Variants in NUDT3 observed in about 807,000 individuals in gnomAD.
NUDT3 encodes the protein nudix hydrolase 3, also known as diphosphoinositol polyphosphate phosphohydrolase 1.
NUDT3 carries 9 observed loss-of-function variants against 23.6 expected under a neutral mutation model. That is an observed-to-expected ratio of 0.38 (90% CI 0.23 to 0.66). The LOEUF (loss-of-function observed/expected upper bound fraction) is 0.66. NUDT3 is among the 30% of genes least tolerant of loss of function. NUDT3 has a pLI of 0.52. For missense variants in NUDT3, 172 were observed against 218.5 expected (o/e 0.79, Z 1.34); for synonymous variants, 86 against 82.6 (o/e 1.04, Z -0.22).
chr6:34,348,771 G>A (rs537976350), intron 1 of NUDT3, among the ~76,000 whole-genome samples: 91 of 148,630 alleles, frequency 6.1e-4, no homozygotes, highest in African/African-American at 2.0e-3. Context: ...GCAAGACTCC[G>A]TCTCAAAAAA....
At chr6:34,312,749 C>T (rs975386528) in intron 2 of NUDT3, among the ~76,000 whole-genome samples, 22 of 152,158 alleles carry the variant, frequency 1.4e-4, no homozygotes, top group African/African-American at 5.3e-4. Context: ...TGCCAAAACT[C>T]GGAAGCAACG....
At chr6:34,339,967 G>A (rs117309580) in intron 2 of NUDT3, among the ~76,000 whole-genome samples, 5 of 152,252 alleles carry the variant, frequency 3.3e-5, no homozygotes, top group East Asian at 1.9e-4. Context: ...ACATGGAACC[G>A]ACATTCCCTT....
At chr6:34,377,949 A>C (rs1002913747) in intron 1 of NUDT3, among the ~76,000 whole-genome samples, 6 of 152,114 alleles carry the variant, frequency 3.9e-5, no homozygotes, top group Non-Finnish European at 8.8e-5. Context: ...ATTTGACTGA[A>C]TTACTTTTTT....
intron 1 of NUDT3, among the ~76,000 whole-genome samples, chr6:34,374,018 G>A (rs981187597): frequency 1.3e-5 from 2 of 151,866 alleles, no homozygotes; most frequent in African/African-American, 2.4e-5. Context: ...TTAGCCAGGT[G>A]TGGTGGCATG....
chr6:34,288,569 CAG>C lies in NUDT3; in HGVS notation c.*182_*183del, dbSNP rs1763367658. ...ACCCAACCCCCACCCTCAATAAAAA[CAG>C]AAGAAAAAGCCCCATCACTTAACAC... On this transcript the variant is annotated 3_prime_UTR_variant, in exon 5 of 5. Coordinates refer to ENST00000607016, the MANE Select transcript of NUDT3 (RefSeq NM_006703.4). 2 of 776,202 alleles carry C rather than the reference CAG, an allele frequency of 2.6e-6. No individual in the cohort carries two copies. The highest frequency in any genetic ancestry group is 3.6e-5 in the African/African-American group (2 of 55,196). The allele number at this position is 776,202 out of a possible 1,614,324, so 48.1% of individuals were successfully genotyped here. A position where few individuals can be genotyped will look rare whatever the true frequency, so the allele number is the denominator to read the frequency against.
At chr6:34,333,687 T>A (rs1458500538) in intron 2 of NUDT3, among the ~76,000 whole-genome samples, 21 of 152,232 alleles carry the variant, frequency 1.4e-4, no homozygotes, top group Admixed American at 1.4e-3. Flanking sequence ...GTGCTGCAGA[T>A]GGTACTTAAC....
intron 1 of NUDT3, among the ~76,000 whole-genome samples, chr6:34,363,935 G>A (rs1764687521): frequency 6.6e-6 from 1 of 151,982 alleles, no homozygotes; most frequent in Non-Finnish European, 1.5e-5. Flanking sequence ...ACCACGCCCA[G>A]CTAATATTTG....
intron 2 of NUDT3, among the ~76,000 whole-genome samples, chr6:34,299,484 G>T (rs921406796): frequency 3.3e-5 from 5 of 151,856 alleles, no homozygotes; most frequent in African/African-American, 1.2e-4. Context: ...AGGCTAGGGC[G>T]CATGGTCATA....
chr6:34,366,386 G>GAA (rs1764730067), intron 1 of NUDT3, among the ~76,000 whole-genome samples: 1 of 147,776 alleles, frequency 6.8e-6, no homozygotes, highest in African/African-American at 2.5e-5. Flanking sequence ...AAAAAGAAAA[G>GAA]AAAAGAGAGA....
chr6:34,361,794 A>C (rs986439364), intron 1 of NUDT3, among the ~76,000 whole-genome samples: 3 of 152,234 alleles, frequency 2.0e-5, no homozygotes, highest in African/African-American at 7.2e-5. Flanking sequence ...TTCCAACTAG[A>C]TAACATTCTG....
rs534326359 is a variant in NUDT3, at chr6:34,281,104, T to G, written c.*7649A>C. ...TAGTTCATCTCTTTTATAAGTAGAA[T>G]GGTCCCAGGGATGTTAACCTTTCTG... On this transcript the variant is annotated 3_prime_UTR_variant, in exon 5 of 5. Coordinates refer to ENST00000607016, the MANE Select transcript of NUDT3 (RefSeq NM_006703.4). The G allele has an allele frequency of 7.9e-5, 12 of 152,302 alleles. No individual in the cohort carries two copies. The South Asian group carries it at 2.5e-3, about 32-fold the overall frequency. 9.4% of individuals were successfully genotyped at this position (152,302 alleles called of 1,614,324 possible).
At chr6:34,314,483 T>C (rs535407795) in intron 2 of NUDT3, among the ~76,000 whole-genome samples, 100 of 149,176 alleles carry the variant, frequency 6.7e-4, no homozygotes, top group African/African-American at 2.3e-3. Context: ...CACTTGAACC[T>C]GGAAGGTGGG....
rs1763286948 is a variant in NUDT3, at chr6:34,282,123, A to G, written c.*6630T>C. 6.6e-6 allele frequency: 1 copy of G among 152,174 alleles called. No individual in the cohort carries two copies. The highest frequency in any genetic ancestry group is 2.1e-4 in the South Asian group (1 of 4,832). The allele number at this position is 152,174 out of a possible 1,614,324, so 9.4% of individuals were successfully genotyped here. A position where few individuals can be genotyped will look rare whatever the true frequency, so the allele number is the denominator to read the frequency against. On this transcript the variant is annotated 3_prime_UTR_variant, in exon 5 of 5. Transcript: ENST00000607016. ...GTTATGCTGCAGGAACTGAGTAACC[A>G]AAGCTAGATATCCCTTGGACCACTG...
chr6:34,308,605 T>C (rs944740910), intron 2 of NUDT3, among the ~76,000 whole-genome samples: 3 of 152,028 alleles, frequency 2.0e-5, no homozygotes, highest in Non-Finnish European at 1.5e-5. Context: ...GAGTGATACA[T>C]ACCGTGCTAA....
At chr6:34,327,670 A>AC (rs1764061631) in intron 2 of NUDT3, among the ~76,000 whole-genome samples, 1 of 152,214 alleles carries the variant, frequency 6.6e-6, no homozygotes, top group Non-Finnish European at 1.5e-5. Context: ...CCACTGAAGC[A>AC]CAGCACTACA....
At chr6:34,376,599 CT>C in intron 1 of NUDT3, among the ~76,000 whole-genome samples, 1 of 152,264 alleles carries the variant, frequency 6.6e-6, no homozygotes. Flanking sequence ...AACATATCAT[CT>C]GTTACCAAAC....
intron 1 of NUDT3, among the ~76,000 whole-genome samples, chr6:34,364,688 C>T (rs933652920): frequency 6.6e-6 from 1 of 152,212 alleles, no homozygotes; most frequent in Non-Finnish European, 1.5e-5. Context: ...CATTATGTAA[C>T]ACACCAATAG....
chr6:34,321,699 A>G (rs1300924314), intron 2 of NUDT3, among the ~76,000 whole-genome samples: 1 of 152,144 alleles, frequency 6.6e-6, no homozygotes, highest in Non-Finnish European at 1.5e-5. Context: ...GTCACTGAGC[A>G]GTACTACACT....
rs1010026759 is a variant in NUDT3 at position 34,356,462 on chromosome 6, G to C, written c.100-14490C>G. Among the ~76,000 whole-genome samples the C allele has an allele frequency of 2.0e-5, 3 of 152,058 alleles. No individual in the cohort carries two copies. In the East Asian group the frequency reaches 5.8e-4, roughly 29 times the overall value. On this transcript the variant is annotated intron_variant, in intron 1 of 4. Transcript: ENST00000607016. The stretch of plus-strand genomic sequence containing the variant: ...AAGTCTAAAACATCTTGTCAAATCA[G>C]ATACTGAAGAAGCTATCAAAACCCA...
Sources: allele counts gnomAD v4.1 joint callset (sites outside exome capture counted in the v4.1 genomes callset), GRCh38; gene constraint gnomAD v4.1.1; transcripts MANE v1.5; gene names NCBI Gene and HGNC (gene_info 2026-07-23, HGNC 2026-07-21).